Variants in AGBL1 observed in about 807,000 individuals in gnomAD.
AGBL1 encodes AGBL carboxypeptidase 1.
Under a neutral mutation model 118.9 loss-of-function variants are expected in AGBL1, and 130 were observed. The observed-to-expected ratio is 1.09, with a 90% CI of 0.95 to 1.26. The LOEUF is 1.26. Among genes scored for constraint, AGBL1 ranks in the 50% most tolerant of loss-of-function variants. AGBL1 has a pLI of 0.00. For missense variants in AGBL1, 1,584 were observed against 1,298.1 expected (o/e 1.22, Z -3.38); for synonymous variants, 555 against 478.9 (o/e 1.16, Z -2.08).
chr15:86,551,313 C>A (rs2083660085), intron 20 of AGBL1, among the ~76,000 whole-genome samples: 1 of 152,020 alleles, frequency 6.6e-6, no homozygotes, highest in African/African-American at 2.4e-5. Flanking sequence ...AATTTGATTT[C>A]TTAAAACGGT....
intron 17 of AGBL1, among the ~76,000 whole-genome samples, chr15:86,393,421 A>G (rs1414905019): frequency 2.6e-5 from 4 of 152,186 alleles, no homozygotes; most frequent in African/African-American, 9.6e-5. Flanking sequence ...AGCACTTACT[A>G]TTGTTGTCCA....
At chr15:86,854,577 T>G (rs1289413671) in intron 22 of AGBL1, among the ~76,000 whole-genome samples, 2 of 152,236 alleles carry the variant, frequency 1.3e-5, no homozygotes, top group African/African-American at 4.8e-5. Flanking sequence ...AACCTGATTT[T>G]ATTTCCATTT....
At chr15:86,713,876 G>A (rs2123260) in intron 22 of AGBL1, among the ~76,000 whole-genome samples, 59,482 of 151,970 alleles carry the variant, frequency 0.39, 12,690 homozygotes, top group Non-Finnish European at 0.48. Flanking sequence ...ATTAGAGTTT[G>A]CTAATTAAAG....
At chr15:86,235,317 A>C (rs1406043151) in intron 6 of AGBL1, among the ~76,000 whole-genome samples, 1 of 152,240 alleles carries the variant, frequency 6.6e-6, no homozygotes, top group Non-Finnish European at 1.5e-5. Flanking sequence ...GAACAAAGGA[A>C]TCAGTGAATA....
chr15:86,337,661 G>A (rs2080394156), intron 17 of AGBL1, among the ~76,000 whole-genome samples: 1 of 152,206 alleles, frequency 6.6e-6, no homozygotes, highest in African/African-American at 2.4e-5. Context: ...AACAATGAGA[G>A]CACATGGACA....
rs555609026 is a variant in AGBL1 at position 86,862,903 on chromosome 15, T to A, written c.3159-44184T>A. On this transcript the variant is annotated intron_variant, in intron 22 of 22. Coordinates refer to ENST00000614907, the MANE Select transcript of AGBL1 (RefSeq NM_001386094.1). ...AAAATGCACTATGTAAGGAAAAGAG[T>A]CCTACATTAATTGGACCAAACATGG... Among the ~76,000 whole-genome samples, 9 of 151,998 alleles carry A rather than the reference T, an allele frequency of 5.9e-5. 1 individual carries two copies. The East Asian group carries it at 1.7e-3, about 29-fold the overall frequency.
chr15:86,402,658 A>G (rs1407424074), intron 18 of AGBL1, among the ~76,000 whole-genome samples: 2 of 152,144 alleles, frequency 1.3e-5, no homozygotes, highest in African/African-American at 4.8e-5. Context: ...ACCAATAAAA[A>G]TGGGCCTTAT....
intron 23 of AGBL1, among the ~76,000 whole-genome samples, chr15:86,924,224 G>C (rs2141623860): frequency 6.6e-6 from 1 of 152,300 alleles, no homozygotes; most frequent in South Asian, 2.1e-4. Context: ...TAGATTGGCT[G>C]GTAAGTGCCA....
Position 86,322,583 on chromosome 15 carries a change from C to A in AGBL1, c.2374+27175C>A, listed in dbSNP as rs1359444842. ...TTCAGCTAGTTTTTATTTGTAATAT[C>A]GCATTACTAGTATGCTTTATGAATA... is the stretch of plus-strand genomic sequence containing the variant. On this transcript the variant is annotated intron_variant, in intron 17 of 22. Transcript: ENST00000614907. 2.0e-5 allele frequency among the ~76,000 whole-genome samples: 3 copies of A among 151,802 alleles called. No homozygotes were observed. The East Asian group carries it at 5.8e-4, about 29-fold the overall frequency.
chr15:86,294,701 T>C (rs1274087225), intron 16 of AGBL1, among the ~76,000 whole-genome samples: 1 of 152,184 alleles, frequency 6.6e-6, no homozygotes, highest in African/African-American at 2.4e-5. Flanking sequence ...ACATTTTTTT[T>C]TAATTTTAAG....
At chr15:86,846,731 T>G (rs1051247698) in intron 22 of AGBL1, among the ~76,000 whole-genome samples, 4 of 152,120 alleles carry the variant, frequency 2.6e-5, no homozygotes, top group Admixed American at 6.5e-5. Flanking sequence ...GAGGTTTCAC[T>G]GTGTTGGCCA....
intron 17 of AGBL1, among the ~76,000 whole-genome samples, chr15:86,380,383 CA>C (rs1317004971): frequency 1.3e-5 from 2 of 151,410 alleles, no homozygotes; most frequent in African/African-American, 4.9e-5. Flanking sequence ...CTCCCGGGTT[CA>C]AGTGATTCTC....
At chr15:86,593,580 A>G (rs1375093575) in intron 21 of AGBL1, among the ~76,000 whole-genome samples, 2 of 152,234 alleles carry the variant, frequency 1.3e-5, no homozygotes, top group East Asian at 3.8e-4. Flanking sequence ...GATAAATTGC[A>G]TGGACTAATT....
At chr15:86,391,161 T>G (rs1286771101) in intron 17 of AGBL1, among the ~76,000 whole-genome samples, 1 of 152,158 alleles carries the variant, frequency 6.6e-6, no homozygotes, top group Non-Finnish European at 1.5e-5. Flanking sequence ...ACTGTATACA[T>G]GTGTCAAAAT....
chr15:86,397,891 T>C lies in AGBL1; in HGVS notation c.2555+345T>C, dbSNP rs145256477. ...AATTAATAGCAGAGGAAGAATCTAG[T>C]TTAACATTTTTCTTTTAAAAAGGAG... On this transcript the variant is annotated intron_variant, in intron 18 of 22. Coordinates refer to ENST00000614907, the MANE Select transcript of AGBL1 (RefSeq NM_001386094.1). 6.9e-3 allele frequency among the ~76,000 whole-genome samples: 1,048 copies of C among 152,198 alleles called. 11 individuals are homozygous for C. Among genetic ancestry groups the C allele is most frequent in the African/African-American group, 0.023 (975 of 41,538 alleles).
intron 5 of AGBL1, among the ~76,000 whole-genome samples, chr15:86,178,184 C>T (rs929389884): frequency 7.2e-5 from 11 of 151,964 alleles, no homozygotes; most frequent in Non-Finnish European, 1.2e-4. Flanking sequence ...GTGGTGGCAC[C>T]TGCCCGTAAT....
chr15:86,245,820 C>G (rs1296824974), intron 6 of AGBL1, among the ~76,000 whole-genome samples: 1 of 152,206 alleles, frequency 6.6e-6, no homozygotes, highest in Non-Finnish European at 1.5e-5. Context: ...CACGTAGAGT[C>G]TATCCTCTTG....
chr15:86,448,470 C>T (rs573067741), intron 18 of AGBL1, among the ~76,000 whole-genome samples: 2 of 152,322 alleles, frequency 1.3e-5, no homozygotes, highest in South Asian at 4.1e-4. Flanking sequence ...ACATGAATTA[C>T]TGATCTAAAA....
intron 16 of AGBL1, among the ~76,000 whole-genome samples, chr15:86,293,486 C>T (rs778527107): frequency 1.2e-4 from 19 of 152,136 alleles, no homozygotes; most frequent in Non-Finnish European, 2.5e-4. Flanking sequence ...TCTCTGCAGC[C>T]AGGAAAGGGC....
Sources: allele counts gnomAD v4.1 joint callset (sites outside exome capture counted in the v4.1 genomes callset), GRCh38; gene constraint gnomAD v4.1.1; transcripts MANE v1.5; gene names NCBI Gene and HGNC (gene_info 2026-07-23, HGNC 2026-07-21).